POLR1C: variants seen among roughly 807,000 people sequenced by gnomAD.
POLR1C encodes the protein DNA-directed RNA polymerases I and III subunit RPAC1.
In POLR1C, 42 loss-of-function variants were observed where a neutral mutation model predicts 38.3. The observed-to-expected ratio is 1.10, with a 90% CI of 0.86 to 1.42. The LOEUF is 1.42. Ranked by LOEUF, POLR1C falls within the 40% of genes most tolerant of loss-of-function variation. POLR1C has a pLI of 0.00. For missense variants in POLR1C, 507 were observed against 450.5 expected (o/e 1.13, Z -1.14); for synonymous variants, 163 against 163.9 (o/e 0.99, Z 0.04).
At chr6:43,546,468 T>C (rs1325419055) in intron 9 of POLR1C, 11 of 1,141,144 alleles carry the variant, frequency 9.6e-6, no homozygotes, top group Non-Finnish European at 1.2e-5. Context: ...AATCAATCCC[T>C]CATTAATACC....
downstream of POLR1C, among the ~76,000 whole-genome samples, chr6:43,534,407 T>G (rs1794186437): frequency 6.6e-6 from 1 of 152,220 alleles, no homozygotes; most frequent in African/African-American, 2.4e-5. Flanking sequence ...TGCCCCATTT[T>G]TCAATGTTTT....
At chr6:43,529,769 A>T (rs1400824748), downstream of POLR1C, among the ~76,000 whole-genome samples, 1 of 151,328 alleles carries the variant, frequency 6.6e-6, no homozygotes, top group Non-Finnish European at 1.5e-5. Context: ...ATAATAATAA[A>T]AACTAGCTGG....
intron 9 of POLR1C, among the ~76,000 whole-genome samples, chr6:43,540,092 C>A (rs539041531): frequency 1.1e-3 from 161 of 152,252 alleles, no homozygotes; most frequent in African/African-American, 3.3e-3. Flanking sequence ...CCTGTCTCTA[C>A]TGAAGATACA....
downstream of POLR1C, chr6:43,533,283 C>G (rs1441104836): frequency 6.7e-6 from 1 of 148,666 alleles, no homozygotes; most frequent in African/African-American, 2.5e-5. Context: ...GGAAAGTATA[C>G]AAATATCCTT....
intron 9 of POLR1C, chr6:43,546,870 T>C (rs1794989175): frequency 2.0e-6 from 2 of 1,016,958 alleles, no homozygotes; most frequent in Non-Finnish European, 2.8e-6. Context: ...GAGAATGAAA[T>C]AATCCTCTGC....
chr6:43,550,135 C>A (rs1054267204), intron 9 of POLR1C, among the ~76,000 whole-genome samples: 2 of 152,180 alleles, frequency 1.3e-5, no homozygotes, highest in African/African-American at 4.8e-5. Context: ...ATCGGAGTCA[C>A]AATTTTACCA....
downstream of POLR1C, among the ~76,000 whole-genome samples, chr6:43,531,807 TC>T (rs920406631): frequency 2.0e-5 from 3 of 151,372 alleles, no homozygotes; most frequent in African/African-American, 7.3e-5. Flanking sequence ...CTTTTTTTTT[TC>T]CCCCAGATGG....
At chr6:43,541,197 A>G (rs1794674238) in intron 9 of POLR1C, among the ~76,000 whole-genome samples, 1 of 152,226 alleles carries the variant, frequency 6.6e-6, no homozygotes, top group South Asian at 2.1e-4. Flanking sequence ...TCCTAGCACA[A>G]TAGGGTGACT....
At chr6:43,546,756 T>C (rs200028104) in intron 9 of POLR1C, 24 of 1,532,466 alleles carry the variant, frequency 1.6e-5, no homozygotes, top group African/African-American at 7.4e-5. Context: ...AGCTCATCTA[T>C]AGAAAAATAA....
chr6:43,526,077 C>T (rs1793568208), downstream of POLR1C: 1 of 691,396 alleles, frequency 1.4e-6, no homozygotes, highest in Non-Finnish European at 2.4e-6. Context: ...ACATAATGCC[C>T]ATGCCCATGG....
At chr6:43,539,129 A>C (rs1794532180) in intron 9 of POLR1C, 2 of 1,194,924 alleles carry the variant, frequency 1.7e-6, no homozygotes, top group Admixed American at 1.9e-5. Context: ...GAGGCGCACC[A>C]GCACAGAGCC....
chr6:43,530,579 C>T (rs1173764329), downstream of POLR1C: 1 of 1,318,452 alleles, frequency 7.6e-7, no homozygotes, highest in Non-Finnish European at 1.0e-6. Context: ...TACATAATCT[C>T]ATCTCTTCCT....
intron 9 of POLR1C, among the ~76,000 whole-genome samples, chr6:43,544,997 C>T (rs1237168735): frequency 1.3e-5 from 2 of 152,070 alleles, no homozygotes; most frequent in Non-Finnish European, 1.5e-5. Flanking sequence ...CTCAGCCTCT[C>T]GAGTAGCTGG....
intron 9 of POLR1C, chr6:43,548,421 G>A: frequency 6.2e-7 from 1 of 1,604,552 alleles, no homozygotes. Context: ...TCATTGGAGA[G>A]GAGTTGCTTC....
intron 10 of POLR1C, chr6:43,555,880 A>T: frequency 6.2e-7 from 1 of 1,614,010 alleles, no homozygotes; most frequent in Non-Finnish European, 8.5e-7. Flanking sequence ...TTGATACTTT[A>T]GCCACTCCCC....
intron 9 of POLR1C, among the ~76,000 whole-genome samples, chr6:43,545,599 T>C (rs1794924926): frequency 6.6e-6 from 1 of 151,906 alleles, no homozygotes; most frequent in African/African-American, 2.4e-5. Context: ...CCCAGCTACT[T>C]GGGTGGCTGA....
At chr6:43,548,343 T>G (rs1274217367) in intron 9 of POLR1C, 1 of 1,613,568 alleles carries the variant, frequency 6.2e-7, no homozygotes, top group African/African-American at 1.3e-5. Context: ...TCGTAGTTCT[T>G]AAATTGGTTG....
At chr6:43,541,744 T>C (rs1794702030) in intron 9 of POLR1C, among the ~76,000 whole-genome samples, 2 of 152,226 alleles carry the variant, frequency 1.3e-5, no homozygotes, top group African/African-American at 4.8e-5. Flanking sequence ...TAATTATCAG[T>C]ACTTCATTTT....
At chr6:43,526,048 T>C, downstream of POLR1C, 2 of 975,922 alleles carry the variant, frequency 2.0e-6, no homozygotes, top group Non-Finnish European at 3.1e-6. Flanking sequence ...TAAGTAGTAC[T>C]AGGAGCCCTC....
Sources: allele counts gnomAD v4.1 joint callset (sites outside exome capture counted in the v4.1 genomes callset), GRCh38; gene constraint gnomAD v4.1.1; transcripts MANE v1.5; gene names NCBI Gene and HGNC (gene_info 2026-07-23, HGNC 2026-07-21).